The following SORL1 variants were observed in gnomAD, a reference collection of about 807,000 sequenced individuals.
SORL1 encodes the protein sortilin-related receptor.
SORL1 carries 127 observed loss-of-function variants against 273.7 expected under a neutral mutation model. The ratio of observed to expected loss-of-function variants is 0.46; its 90% confidence interval spans 0.40 to 0.54. The LOEUF (loss-of-function observed/expected upper bound fraction) is 0.54. Ranked by LOEUF, SORL1 falls within the 20% of genes least tolerant of loss-of-function variation. The pLI is 0.00. For missense variants in SORL1, 2,494 were observed against 2,846.1 expected, an observed-to-expected ratio of 0.88 and a Z score of 2.81; for synonymous variants, 1,031 against 1,067.4, an observed-to-expected ratio of 0.97 and a Z score of 0.66.
intron 39 of SORL1, 144 bp downstream of exon 39, chr11:121,611,302 C>T (rs1863560499): frequency 1.7e-6 from 1 of 592,616 alleles, no homozygotes; most frequent in South Asian, 2.1e-5. Context: ...GCTAAAATAC[C>T]AGGACTAGGG....
intron 1 of SORL1, among the ~76,000 whole-genome samples, chr11:121,453,383 A>G (rs1860844035): frequency 6.6e-6 from 1 of 152,170 alleles, no homozygotes; most frequent in Non-Finnish European, 1.5e-5. Context: ...TTTCACTTTT[A>G]TGGTCAGACT....
At chr11:121,544,786 A>G (rs1862399772) in intron 13 of SORL1, among the ~76,000 whole-genome samples, 1 of 152,166 alleles carries the variant, frequency 6.6e-6, no homozygotes, top group African/African-American at 2.4e-5. Context: ...GAGATCCTGT[A>G]CCTTCAAGTA....
intron 24 of SORL1, among the ~76,000 whole-genome samples, chr11:121,574,954 T>C (rs1439933388): frequency 2.0e-5 from 3 of 152,154 alleles, no homozygotes; most frequent in Admixed American, 2.0e-4. Context: ...AACTGTTCTT[T>C]TTTTTTTAAC....
At chr11:121,581,053 C>T (rs1425971987) in intron 25 of SORL1, among the ~76,000 whole-genome samples, 1 of 151,990 alleles carries the variant, frequency 6.6e-6, no homozygotes, top group African/African-American at 2.4e-5. Flanking sequence ...GCTGGGACTA[C>T]AGATGTGTGC....
intron 1 of SORL1, among the ~76,000 whole-genome samples, chr11:121,459,252 G>A (rs1860953180): frequency 6.6e-6 from 1 of 152,210 alleles, no homozygotes; most frequent in South Asian, 2.1e-4. Context: ...TGTGGCTCTT[G>A]GCTACTGTGT....
intron 43 of SORL1, among the ~76,000 whole-genome samples, 176 bp downstream of exon 43, chr11:121,620,093 T>A (rs1019850001): frequency 6.6e-6 from 1 of 152,216 alleles, no homozygotes; most frequent in Non-Finnish European, 1.5e-5. Flanking sequence ...AGGGACCTCT[T>A]CTTAGTTGGC....
At chr11:121,514,123 C>A (rs202072147) in intron 7 of SORL1, 29 bp from the exon 8 acceptor site, 1 of 1,603,284 alleles carries the variant, frequency 6.2e-7, no homozygotes, top group East Asian at 2.2e-5. Context: ...TGTTTTTTGA[C>A]GTATCTTTTT....
At chr11:121,619,694 A>G in intron 42 of SORL1, 59 bp from the exon 43 acceptor site, 1 of 1,259,134 alleles carries the variant, frequency 7.9e-7, no homozygotes, top group Admixed American at 2.3e-5. Flanking sequence ...AAATACTTTA[A>G]TAAAGATTGC....
chr11:121,559,478 A>C, intron 20 of SORL1, 41 bp from the exon 21 acceptor site: 2 of 1,594,146 alleles, frequency 1.3e-6, no homozygotes, highest in Non-Finnish European at 1.7e-6. Flanking sequence ...CAGAATAAAG[A>C]ACGAAAGAGC....
At chr11:121,621,567 C>G (rs1257294663) in intron 44 of SORL1, among the ~76,000 whole-genome samples, 1 of 152,098 alleles carries the variant, frequency 6.6e-6, no homozygotes, top group Non-Finnish European at 1.5e-5. Flanking sequence ...CCACTAAGAC[C>G]AAGTGCTGTA....
chr11:121,625,709 C>T (rs774651740), intron 46 of SORL1, among the ~76,000 whole-genome samples: 3 of 152,072 alleles, frequency 2.0e-5, no homozygotes, highest in Admixed American at 1.3e-4. Context: ...TGCCCCGCCC[C>T]GGCTTCATCT....
At chr11:121,544,417 C>G (rs1229440850) in intron 13 of SORL1, among the ~76,000 whole-genome samples, 1 of 152,164 alleles carries the variant, frequency 6.6e-6, no homozygotes, top group African/African-American at 2.4e-5. Flanking sequence ...GTATGCATAA[C>G]TTTGTGTCTG....
At chr11:121,557,527 T>A in intron 19 of SORL1, 122 bp downstream of exon 19, 1 of 767,878 alleles carries the variant, frequency 1.3e-6, no homozygotes, top group Non-Finnish European at 2.2e-6. Flanking sequence ...AATGGTCTAT[T>A]AACTGAGAAG....
At chr11:121,607,114 C>A in intron 36 of SORL1, 72 bp from the exon 37 acceptor site, 1 of 1,098,030 alleles carries the variant, frequency 9.1e-7, no homozygotes, top group Non-Finnish European at 1.4e-6. Context: ...CTCCTCCAGC[C>A]TCCTTGCAAG....
chr11:121,552,649 T>C (rs1052370739), intron 16 of SORL1, among the ~76,000 whole-genome samples: 1 of 152,200 alleles, frequency 6.6e-6, no homozygotes, highest in Non-Finnish European at 1.5e-5. Flanking sequence ...CATAGATACT[T>C]CTAAAGTGAC....
intron 27 of SORL1, among the ~76,000 whole-genome samples, chr11:121,587,290 T>C (rs1863130404): frequency 6.6e-6 from 1 of 152,190 alleles, no homozygotes; most frequent in South Asian, 2.1e-4. Context: ...ATTTGCTAGG[T>C]GAGCCAGCAG....
intron 5 of SORL1, among the ~76,000 whole-genome samples, chr11:121,490,877 G>A (rs1309469422): frequency 6.6e-6 from 1 of 152,080 alleles, no homozygotes; most frequent in Non-Finnish European, 1.5e-5. Context: ...GAGAGGTAAG[G>A]AAAGACATTT....
rs1232303848 is a variant in SORL1 at position 121,522,700 on chromosome 11, A to T, written c.1519A>T (p.Thr507Ser). Residue 507 changes from threonine to serine, a missense_variant, in exon 10 of 48, where the codon ACT becomes TCT. Transcript: ENST00000260197. ...KESAPGLIIA[T>S]GSVGKNLASK... is the part of the protein sequence containing the mutation. ...GTCGGCTCCAGGCCTCATCATCGCC[A>T]CTGGTAAGTGTGCTTGCCTGTTCTC... 4 of 1,610,340 alleles carry T rather than the reference A, an allele frequency of 2.5e-6. No homozygotes were observed. Among genetic ancestry groups the T allele is most frequent in the Non-Finnish European group, 3.4e-6 (4 of 1,176,684 alleles).
At chr11:121,551,933 G>A (rs919967497) in intron 16 of SORL1, among the ~76,000 whole-genome samples, 1 of 152,170 alleles carries the variant, frequency 6.6e-6, no homozygotes, top group African/African-American at 2.4e-5. Flanking sequence ...GGGTTAGTAG[G>A]GTTTGAGTGA....
Sources: gnomAD v4.1 joint callset for allele counts (sites outside exome capture counted in the v4.1 genomes callset) on GRCh38, gnomAD v4.1.1 for gene constraint, MANE v1.5 for transcripts, NCBI Gene and HGNC (gene_info 2026-07-23, HGNC 2026-07-21) for gene names.